Variants in SORBS3 observed in about 807,000 individuals in gnomAD.
The protein encoded by SORBS3 is vinexin.
In SORBS3, 69 loss-of-function variants were observed where a neutral mutation model predicts 98.0. That is an observed-to-expected ratio of 0.70 (90% confidence interval 0.58 to 0.86). SORBS3 has a LOEUF of 0.86. Ranked by LOEUF, SORBS3 falls within the 40% of genes least tolerant of loss-of-function variation. The pLI is 0.00. For missense variants in SORBS3, 954 were observed against 908.5 expected, an observed-to-expected ratio of 1.05 and a Z score of -0.64; for synonymous variants, 394 against 355.4, an observed-to-expected ratio of 1.11 and a Z score of -1.22.
At chr8:22,561,596 C>G in intron 6 of SORBS3, 1 of 616,650 alleles carries the variant, frequency 1.6e-6, no homozygotes. Context: ...CACTCCCTGG[C>G]CGGGATTTCT....
In SORBS3 at chr8:22,567,045, TCG is replaced by T; in HGVS notation, c.1191-15_1191-14del. The T allele has an allele frequency of 6.2e-7, 1 of 1,604,226 alleles. No homozygotes were observed. Among genetic ancestry groups the T allele is most frequent in the Non-Finnish European group, 8.5e-7 (1 of 1,172,248 alleles). On this transcript the variant is annotated splice_polypyrimidine_tract_variant and intron_variant, in intron 15 of 20. Transcript: ENST00000240123. The stretch of plus-strand genomic sequence containing the variant: ...AAGGCTTCAGCTTACCCTGCGGTCC[TCG>T]TCCCCACCTGCAGGGAGCTGACTCT...
chr8:22,558,236 T>C (rs1411320562), intron 5 of SORBS3, 44 bp downstream of exon 5: 2 of 1,582,522 alleles, frequency 1.3e-6, no homozygotes, highest in East Asian at 2.2e-5. Context: ...AAGTGGATTC[T>C]GGCCCCTGGG....
chr8:22,562,026 C>G (rs1036268563), intron 7 of SORBS3, 95 bp downstream of exon 7: 48 of 1,194,048 alleles, frequency 4.0e-5, no homozygotes, highest in Non-Finnish European at 5.8e-5. Flanking sequence ...GCCGGCACAG[C>G]CTCGGAGCCC....
In SORBS3 at chr8:22,575,244, G is replaced by A; in HGVS notation, c.*516G>A. On this transcript the variant is annotated 3_prime_UTR_variant, in exon 21 of 21. Coordinates refer to ENST00000240123, the MANE Select transcript of SORBS3 (RefSeq NM_005775.5). ...GTGTGGGGGGGCGGAGCAAGGCGGGGGACAGACGCAGCACCTTCTTAGCGA... is the reference window on the plus strand; with the variant it reads ...GTGTGGGGGGGCGGAGCAAGGCGGGAGACAGACGCAGCACCTTCTTAGCGA... The A allele has an allele frequency of 3.2e-6, 1 of 312,702 alleles. No homozygotes were observed. Among genetic ancestry groups the A allele is most frequent in the South Asian group, 2.6e-5 (1 of 38,364 alleles). The allele number at this position is 312,702 out of a possible 1,614,324, so 19.4% of individuals were successfully genotyped here. A position where few individuals can be genotyped will look rare whatever the true frequency, so the allele number is the denominator to read the frequency against.
At position 22,572,463 on chromosome 8, in the gene SORBS3, G is replaced by C. The variant is rs368812801; in HGVS notation, c.1954+17G>C. Reference sequence around the variant, plus strand: ...GGTTTGTGGGTATGTGGGCAGGCCGGGAGGGGGCATCTCAGGGCCCCAGGG... The same window carrying C: ...GGTTTGTGGGTATGTGGGCAGGCCGCGAGGGGGCATCTCAGGGCCCCAGGG... On this transcript the variant is annotated intron_variant, in intron 20 of 20. Transcript: ENST00000240123. 5.3e-5 allele frequency: 85 copies of C among 1,592,300 alleles called. No individual in the cohort carries two copies. The highest frequency in any genetic ancestry group is 3.0e-4 in the South Asian group (27 of 90,662).
rs11543182 is a variant in SORBS3 at position 22,571,077 on chromosome 8, G to A, written c.1599G>A (p.Leu533=). ...CCCAGCTCCCCACGTCTCCCCGCCT[G>A]ACCGCTGCCGCCCGCTCAGCCCGTC... ...DGPQLPTSPR[L]TAAARSARHP... The change falls in exon 18 of 21, where the codon CTG becomes CTA. Residue 533 remains leucine (L), a synonymous_variant. Coordinates refer to ENST00000240123, the MANE Select transcript of SORBS3 (RefSeq NM_005775.5). The A allele has an allele frequency of 4.5e-3, 7,263 of 1,612,098 alleles. 55 individuals are homozygous for A. The highest frequency in any genetic ancestry group is 7.3e-3 in the Middle Eastern group (44 of 6,054).
intron 7 of SORBS3, among the ~76,000 whole-genome samples, chr8:22,562,760 G>A (rs1840321803): frequency 1.3e-5 from 2 of 152,214 alleles, no homozygotes; most frequent in African/African-American, 2.4e-5. Context: ...GATCATGTGT[G>A]TATCATGCAT....
intron 5 of SORBS3, among the ~76,000 whole-genome samples, chr8:22,558,528 T>C (rs2117231181): frequency 6.6e-6 from 1 of 151,464 alleles, no homozygotes; most frequent in Non-Finnish European, 1.5e-5. Context: ...CTGGAGGCAT[T>C]GCTTTCTTCC....
chr8:22,557,629 G>A (rs1840209689), intron 4 of SORBS3, among the ~76,000 whole-genome samples: 1 of 149,420 alleles, frequency 6.7e-6, no homozygotes, highest in Non-Finnish European at 1.5e-5. Flanking sequence ...AACATAGTGA[G>A]ACCCTGTCTC....
chr8:22,561,680 T>C, intron 6 of SORBS3, 185 bp from the exon 7 acceptor site: 1 of 630,790 alleles, frequency 1.6e-6, no homozygotes, highest in Non-Finnish European at 2.9e-6. Flanking sequence ...GTAGTAAATG[T>C]CGTAAAGCTC....
chr8:22,548,650 A>G (rs1840041208), upstream of SORBS3, among the ~76,000 whole-genome samples: 1 of 152,158 alleles, frequency 6.6e-6, no homozygotes, highest in Non-Finnish European at 1.5e-5. Context: ...TGAGGCACAG[A>G]GCTAGGGCCG....
At chr8:22,566,236 G>A (rs1840415533) in intron 12 of SORBS3, 109 bp from the exon 13 acceptor site, 5 of 1,399,530 alleles carry the variant, frequency 3.6e-6, no homozygotes, top group Non-Finnish European at 4.8e-6. Flanking sequence ...GAGACGCCCT[G>A]GGAGGAGGTG....
In SORBS3 at chr8:22,554,465, G is replaced by T. The variant is rs1436698922; in HGVS notation, c.-42G>T. ...CCTTCCCCACAGAGGACACGCAGAG[G>T]AGCAGCTGGCTTGCCCGGAGTCCTC... On this transcript the variant is annotated 5_prime_UTR_variant, in exon 2 of 21. Transcript: ENST00000240123. The surrounding 1 kb of genome is among the most constrained non-coding windows in gnomAD (Gnocchi z 6.5). The T allele has an allele frequency of 6.3e-7, 1 of 1,595,212 alleles. No individual in the cohort carries two copies. Among genetic ancestry groups the T allele is most frequent in the Middle Eastern group, 1.9e-4 (1 of 5,286 alleles).
chr8:22,558,351 C>A (rs1295738648), intron 5 of SORBS3, among the ~76,000 whole-genome samples, 159 bp downstream of exon 5: 2 of 152,322 alleles, frequency 1.3e-5, no homozygotes, highest in Non-Finnish European at 2.9e-5. Context: ...CAGTCCCCTC[C>A]CTGTACTCGG....
upstream of SORBS3, among the ~76,000 whole-genome samples, chr8:22,547,003 G>A (rs562260735): frequency 6.6e-6 from 1 of 152,270 alleles, no homozygotes; most frequent in African/African-American, 2.4e-5. Flanking sequence ...TCCAAGTGAG[G>A]TGACTTTTAC....
At chr8:22,565,159 T>A in intron 10 of SORBS3, 109 bp from the exon 11 acceptor site, 1 of 1,478,910 alleles carries the variant, frequency 6.8e-7, no homozygotes, top group Non-Finnish European at 9.1e-7. Flanking sequence ...AGGCCTGCCC[T>A]TACGCCGGCC....
Position 22,552,035 on chromosome 8 carries a change from A to C in SORBS3, c.-56+13A>C. ...CTCGCCGGGGAAGGTAGGTCCGGGC[A>C]AGGAGGGGCGGGGAGTAGGCGAGGC... On this transcript the variant is annotated intron_variant, in intron 1 of 20. Transcript: ENST00000240123. 2 of 985,020 alleles carry C rather than the reference A, an allele frequency of 2.0e-6. No homozygotes were observed. Among genetic ancestry groups the C allele is most frequent in the Non-Finnish European group, 2.4e-6 (2 of 829,904 alleles). 61.0% of individuals were successfully genotyped at this position (985,020 alleles called of 1,614,324 possible). A position where few individuals can be genotyped will look rare whatever the true frequency, so the allele number is the denominator to read the frequency against.
upstream of SORBS3, chr8:22,551,788 C>G (rs1250370893): frequency 5.1e-6 from 5 of 985,782 alleles, no homozygotes; most frequent in Non-Finnish European, 6.0e-6. This position sits in a 1 kb window ranked among gnomAD's most constrained non-coding sequence, Gnocchi z 5.8. Context: ...AAACTCCGCC[C>G]GCCCCGCCGC....
Position 22,565,323 on chromosome 8 carries a change from G to A in SORBS3, c.872G>A (p.Arg291Gln), listed in dbSNP as rs763677551. The A allele has an allele frequency of 6.4e-7, 1 of 1,559,324 alleles. No homozygotes were observed. The highest frequency in any genetic ancestry group is 8.7e-7 in the Non-Finnish European group (1 of 1,152,054). ...ELSAELDKDL[R>Q]AIETRLPSPK... ...AGCGCCGAGCTGGACAAGGACCTGC[G>A]GGCAATTGAGACCCGACTGCCGTCC... Residue 291 changes from arginine to glutamine, a missense_variant, in exon 11 of 21, where the codon CGG becomes CAG. By Grantham distance (43) the Arg-to-Gln change is conservative. Transcript: ENST00000240123.
Sources: allele counts gnomAD v4.1 joint callset (sites outside exome capture counted in the v4.1 genomes callset), GRCh38; gene constraint gnomAD v4.1.1; non-coding constraint Gnocchi (gnomAD v3.1); transcripts MANE v1.5; gene names NCBI Gene and HGNC (gene_info 2026-07-23, HGNC 2026-07-21).